The following EYS variants were observed in gnomAD, a reference collection of about 807,000 sequenced individuals.
EYS encodes the protein EGF-like photoreceptor maintenance factor.
EYS carries 250 observed loss-of-function variants against 282.1 expected under a neutral mutation model. The observed-to-expected ratio is 0.89, with a 90% CI of 0.80 to 0.98. The LOEUF is 0.98. EYS is among the 50% of genes least tolerant of loss of function. EYS has a pLI of 0.00. For synonymous variants in EYS, 1,355 were observed against 1,282.9 expected (o/e 1.06, Z -1.20); for missense variants, 4,016 against 3,709.0 (o/e 1.08, Z -2.15).
At chr6:64,264,364 G>T (rs188748276) in intron 30 of EYS, among the ~76,000 whole-genome samples, 25 of 152,196 alleles carry the variant, frequency 1.6e-4, no homozygotes, top group African/African-American at 5.8e-4. Flanking sequence ...CTTCTGTTGG[G>T]ATCCAAATGA....
chr6:64,165,069 T>C (rs1764242276), intron 31 of EYS, among the ~76,000 whole-genome samples: 2 of 152,094 alleles, frequency 1.3e-5, no homozygotes, highest in Admixed American at 1.3e-4. Flanking sequence ...ATGGGTTTAG[T>C]GAGTTATTTT....
intron 12 of EYS, among the ~76,000 whole-genome samples, chr6:65,058,932 A>AC (rs1251015690): frequency 6.6e-6 from 1 of 152,138 alleles, no homozygotes; most frequent in Non-Finnish European, 1.5e-5. Flanking sequence ...TTTTAAAAAA[A>AC]TTCTGTAAAA....
intron 26 of EYS, among the ~76,000 whole-genome samples, chr6:64,473,832 G>A (rs949245247): frequency 6.6e-6 from 1 of 152,090 alleles, no homozygotes; most frequent in Non-Finnish European, 1.5e-5. Flanking sequence ...ACTGTAGACC[G>A]CCTATGGGAA....
chr6:64,845,866 G>C (rs1040453844), intron 19 of EYS, among the ~76,000 whole-genome samples: 3 of 152,004 alleles, frequency 2.0e-5, no homozygotes, highest in African/African-American at 7.2e-5. Context: ...CAAAATTGTA[G>C]AGGTAAATTC....
At chr6:64,878,571 A>G (rs1258058885) in intron 19 of EYS, among the ~76,000 whole-genome samples, 2 of 152,094 alleles carry the variant, frequency 1.3e-5, no homozygotes, top group Non-Finnish European at 2.9e-5. Context: ...TTTGTGGTCA[A>G]GAAATCAAGG....
chr6:65,415,320 G>C (rs1767187104), intron 5 of EYS, among the ~76,000 whole-genome samples: 1 of 151,900 alleles, frequency 6.6e-6, no homozygotes, highest in African/African-American at 2.4e-5. Context: ...CCAACTGAAG[G>C]CAAATCCAAT....
chr6:64,106,870 T>C (rs1283080956), intron 31 of EYS, among the ~76,000 whole-genome samples: 1 of 150,166 alleles, frequency 6.7e-6, no homozygotes, highest in Admixed American at 6.6e-5. Context: ...TTTCCCAGTC[T>C]TTTTTTTTCT....
intron 22 of EYS, among the ~76,000 whole-genome samples, chr6:64,642,329 G>A (rs986432959): frequency 6.6e-6 from 1 of 152,056 alleles, no homozygotes; most frequent in Non-Finnish European, 1.5e-5. Context: ...CCAGTTTTCA[G>A]AACACATAGA....
chr6:63,929,737 T>A (rs564396029), intron 35 of EYS, among the ~76,000 whole-genome samples: 1 of 152,254 alleles, frequency 6.6e-6, no homozygotes, highest in East Asian at 1.9e-4. Context: ...AACATAGCAG[T>A]CCTCACTCAT....
rs75007496 is a variant in EYS, at chr6:64,441,071, G to A, written c.5645-1719C>T. Among the ~76,000 whole-genome samples the A allele has an allele frequency of 7.9e-4, 120 of 152,186 alleles. 1 individual carries two copies. In the East Asian group the frequency reaches 0.017, roughly 22 times the overall value. On this transcript the variant is annotated intron_variant, in intron 26 of 42. Coordinates refer to ENST00000503581, the MANE Select transcript of EYS (RefSeq NM_001142800.2). ...GGTAAAATCATTGATGCTTTACAAA[G>A]AAATTATGTGGACAATGCCCCAAAG...
chr6:64,524,691 A>G (rs1397778214), intron 26 of EYS, among the ~76,000 whole-genome samples: 1 of 151,770 alleles, frequency 6.6e-6, no homozygotes, highest in Non-Finnish European at 1.5e-5. Context: ...GCATATGGCT[A>G]GCCAGTTATC....
chr6:65,447,549 C>T (rs12190486), intron 5 of EYS, among the ~76,000 whole-genome samples: 27,989 of 151,302 alleles, frequency 0.18, 3,234 homozygotes, highest in Middle Eastern at 0.3. Flanking sequence ...CATAGATTTA[C>T]TCACTTTTTC....
intron 30 of EYS, among the ~76,000 whole-genome samples, chr6:64,301,635 G>T (rs1031054181): frequency 4.6e-5 from 7 of 152,154 alleles, no homozygotes. Context: ...AAAGCAATTT[G>T]AAGCAGTATT....
At chr6:64,134,694 T>C (rs1180784573) in intron 31 of EYS, among the ~76,000 whole-genome samples, 1 of 151,842 alleles carries the variant, frequency 6.6e-6, no homozygotes, top group Non-Finnish European at 1.5e-5. Context: ...TATGAGAAAA[T>C]GGGAACCCAG....
intron 22 of EYS, among the ~76,000 whole-genome samples, chr6:64,813,108 G>A (rs995655163): frequency 6.7e-6 from 1 of 149,344 alleles, no homozygotes; most frequent in Non-Finnish European, 1.5e-5. Flanking sequence ...AACCCACTTT[G>A]AGAAAGGAGA....
Position 63,851,950 on chromosome 6 carries a change from G to A in EYS, c.7228+12236C>T, listed in dbSNP as rs572912737. On this transcript the variant is annotated intron_variant, in intron 36 of 42. Transcript: ENST00000503581. Reference sequence around the variant, plus strand: ...AGGCGGGCAGATCACGAGGTCAGGAGATCGAGACCATCCCGGCTAAAACGG... The same window carrying A: ...AGGCGGGCAGATCACGAGGTCAGGAAATCGAGACCATCCCGGCTAAAACGG... Among the ~76,000 whole-genome samples the A allele has an allele frequency of 2.6e-5, 4 of 152,202 alleles. No homozygotes were observed. In the South Asian group the frequency reaches 8.3e-4, roughly 32 times the overall value.
At chr6:65,008,271 C>T (rs1288471209) in intron 13 of EYS, among the ~76,000 whole-genome samples, 1 of 152,140 alleles carries the variant, frequency 6.6e-6, no homozygotes, top group East Asian at 1.9e-4. Context: ...ATACCTCTCT[C>T]ACCTGATTCT....
chr6:64,425,657 GAAAAAAAA>G (rs34577912), intron 28 of EYS, among the ~76,000 whole-genome samples: 3 of 67,848 alleles, frequency 4.4e-5, no homozygotes, highest in African/African-American at 1.7e-4. Context: ...TCCATCCCAG[GAAAAAAAA>G]AAAAAAAAAA....
intron 24 of EYS, among the ~76,000 whole-genome samples, chr6:64,610,473 G>A (rs545576525): frequency 3.1e-4 from 45 of 144,616 alleles, no homozygotes; most frequent in Admixed American, 1.1e-3. Flanking sequence ...GCAAGATCTC[G>A]GCTCACTGCC....
Sources: allele counts gnomAD v4.1 joint callset (sites outside exome capture counted in the v4.1 genomes callset), GRCh38; gene constraint gnomAD v4.1.1; transcripts MANE v1.5; gene names NCBI Gene and HGNC (gene_info 2026-07-23, HGNC 2026-07-21).